Variants in KLF13 observed in about 807,000 individuals in gnomAD.
KLF13 encodes the protein Krueppel-like factor 13.
A neutral mutation model predicts 16.7 loss-of-function variants in KLF13; 8 were observed. The ratio of observed to expected loss-of-function variants is 0.48; its 90% CI spans 0.28 to 0.87. KLF13 has a LOEUF of 0.87. Among genes scored for constraint, KLF13 ranks in the 40% least tolerant of loss-of-function variants. The pLI is 0.10. For missense variants in KLF13, 447 were observed against 452.2 expected, an observed-to-expected ratio of 0.99 and a Z score of 0.10; for synonymous variants, 245 against 208.4, an observed-to-expected ratio of 1.18 and a Z score of -1.51.
intron 1 of KLF13, among the ~76,000 whole-genome samples, chr15:31,328,093 C>A (rs1471214838): frequency 7.2e-6 from 1 of 139,112 alleles, no homozygotes; most frequent in Non-Finnish European, 1.6e-5. Context: ...GGGGCGGGGA[C>A]CCCTCCCGGC....
At chr15:31,405,200 G>C (rs1174510668), downstream of KLF13, among the ~76,000 whole-genome samples, 1 of 152,190 alleles carries the variant, frequency 6.6e-6, no homozygotes, top group African/African-American at 2.4e-5. Context: ...TGTAATTCCA[G>C]CTACTCTGGA....
intron 1 of KLF13, among the ~76,000 whole-genome samples, chr15:31,414,824 A>G (rs1413270982): frequency 1.3e-5 from 2 of 152,214 alleles, no homozygotes; most frequent in Admixed American, 6.5e-5. Context: ...GAAGACTTGA[A>G]TGACACTATA....
Position 31,332,703 on chromosome 15 carries a change from T to C in KLF13, c.577+4914T>C, listed in dbSNP as rs1335279418. Among the ~76,000 whole-genome samples the C allele has an allele frequency of 2.0e-5, 3 of 152,254 alleles. No homozygotes were observed. The East Asian group carries it at 5.8e-4, about 29-fold the overall frequency. Reference sequence around the variant, plus strand: ...CTGACAGCCTCCTGCCCTTAGATCCTGTGTGCTCCCACTTTACACATAGCT... The same window carrying C: ...CTGACAGCCTCCTGCCCTTAGATCCCGTGTGCTCCCACTTTACACATAGCT... On this transcript the variant is annotated intron_variant, in intron 1 of 1. Transcript: ENST00000307145.
intron 1 of KLF13, among the ~76,000 whole-genome samples, chr15:31,411,630 G>C (rs1425505708): frequency 6.7e-6 from 1 of 148,442 alleles, no homozygotes; most frequent in African/African-American, 2.5e-5. Flanking sequence ...TGGTCTCCAT[G>C]TCCTGATCTT....
Position 31,327,592 on chromosome 15 carries a change from C to T in KLF13, c.380C>T (p.Pro127Leu). Reference sequence around the variant, plus strand: ...AGCCCGGCGTGGAGCGAGCCGGAGCCCGAGGCGGGGCTGGAGCCCGAGCGG... The same window carrying T: ...AGCCCGGCGTGGAGCGAGCCGGAGCTCGAGGCGGGGCTGGAGCCCGAGCGG... ...PPSPAWSEPE[P>L]EAGLEPEREP... Residue 127 changes from proline (P) to leucine (L), a missense_variant, in exon 1 of 2, where the codon CCC becomes CTC. By Grantham distance (98) the Pro-to-Leu change is moderately conservative. Around this residue, in one of 2 missense-constraint regions of KLF13, gnomAD observed 359 missense variants for 282.8 expected, o/e 1.27. Transcript: ENST00000307145. 1.8e-5 allele frequency: 22 copies of T among 1,236,390 alleles called. No homozygotes were observed. Among genetic ancestry groups the T allele is most frequent in the South Asian group, 5.0e-5 (2 of 39,680 alleles). The allele number at this position is 1,236,390 out of a possible 1,614,324, so 76.6% of individuals were successfully genotyped here.
chr15:31,413,185 G>GAAAAAAAA (rs1243053850), intron 1 of KLF13, among the ~76,000 whole-genome samples: 2 of 32,952 alleles, frequency 6.1e-5, no homozygotes, highest in Non-Finnish European at 1.3e-4. Flanking sequence ...AAAATGAATA[G>GAAAAAAAA]ACAAAAAAAA....
chr15:31,395,327 A>G (rs1280353754), intron 2 of KLF13, among the ~76,000 whole-genome samples: 2 of 152,056 alleles, frequency 1.3e-5, no homozygotes. Context: ...TGGATATACT[A>G]TTTTTTTAAA....
upstream of KLF13, among the ~76,000 whole-genome samples, chr15:31,388,029 A>G (rs1306481689): frequency 6.6e-6 from 1 of 152,156 alleles, no homozygotes; most frequent in Non-Finnish European, 1.5e-5. Flanking sequence ...GGCCTTTAAA[A>G]CAAGAACAGG....
intron 1 of KLF13, among the ~76,000 whole-genome samples, chr15:31,410,403 T>C (rs2040177919): frequency 6.6e-6 from 1 of 151,826 alleles, no homozygotes; most frequent in African/African-American, 2.4e-5. Flanking sequence ...CTATCAATAA[T>C]CAATTTAAAT....
chr15:31,347,434 G>T (rs759952054), intron 1 of KLF13, among the ~76,000 whole-genome samples: 9 of 152,184 alleles, frequency 5.9e-5, no homozygotes, highest in Non-Finnish European at 1.3e-4. Flanking sequence ...TGGCAAGCCC[G>T]CTAGAACCTG....
intron 1 of KLF13, among the ~76,000 whole-genome samples, chr15:31,383,826 T>C (rs1037527696): frequency 2.0e-4 from 31 of 151,824 alleles, no homozygotes; most frequent in Non-Finnish European, 2.7e-4. Context: ...GGTGTGAACC[T>C]GGGAGGCAGA....
chr15:31,367,211 C>T (rs1339870550), intron 1 of KLF13, among the ~76,000 whole-genome samples: 1 of 152,174 alleles, frequency 6.6e-6, no homozygotes, highest in Admixed American at 6.5e-5. Context: ...GGGGACCCAG[C>T]CAGACCCAGT....
chr15:31,379,520 G>T (rs1286402837), downstream of KLF13, among the ~76,000 whole-genome samples: 1 of 152,126 alleles, frequency 6.6e-6, no homozygotes, highest in Non-Finnish European at 1.5e-5. Flanking sequence ...CAGAAGACTG[G>T]GGGACCCACC....
intron 1 of KLF13, among the ~76,000 whole-genome samples, chr15:31,387,615 C>T (rs944789994): frequency 2.6e-5 from 4 of 152,160 alleles, no homozygotes; most frequent in African/African-American, 4.8e-5. Context: ...TCTGCCTGTA[C>T]GAGAACTGGG....
chr15:31,382,135 A>G (rs2039734832), downstream of KLF13, among the ~76,000 whole-genome samples: 1 of 152,114 alleles, frequency 6.6e-6, no homozygotes, highest in Non-Finnish European at 1.5e-5. Context: ...CTCCACTCTC[A>G]CATGCCACTG....
rs1236893061 is a variant in KLF13, at chr15:31,428,737, G to A, written n.118-6633G>A. 2.1e-5 allele frequency among the ~76,000 whole-genome samples: 3 copies of A among 143,992 alleles called. No individual in the cohort carries two copies. The Admixed American group carries it at 2.2e-4, about 10-fold the overall frequency. The allele number at this position is 143,992 out of a possible 152,430, so 94.5% of individuals were successfully genotyped here. A position where few individuals can be genotyped will look rare whatever the true frequency, so the allele number is the denominator to read the frequency against. On this transcript the variant is annotated intron_variant and non_coding_transcript_variant, in intron 1 of 1. Transcript: ENST00000558225. ...GCAGGAGAATGGCATGAACCCAGGAGGCTTGCAGTGAGCCGAGATCGCGCC... is the reference window on the plus strand; with the variant it reads ...GCAGGAGAATGGCATGAACCCAGGAAGCTTGCAGTGAGCCGAGATCGCGCC...
In KLF13 at chr15:31,422,157, A is replaced by G. The variant is rs559875316; in HGVS notation, n.118-13213A>G. Among the ~76,000 whole-genome samples, 6 of 152,098 alleles carry G rather than the reference A, an allele frequency of 3.9e-5. No individual in the cohort carries two copies. The East Asian group carries it at 1.2e-3, about 29-fold the overall frequency. On this transcript the variant is annotated intron_variant and non_coding_transcript_variant, in intron 1 of 1. Transcript: ENST00000558225. The stretch of plus-strand genomic sequence containing the variant: ...CAAAAAAAAAAAAAAAAGAAAAAAG[A>G]AATAGAGTGGTTCAATAGATTTTTC...
intron 1 of KLF13, among the ~76,000 whole-genome samples, chr15:31,432,416 C>T (rs1236815483): frequency 2.7e-5 from 4 of 150,382 alleles, no homozygotes; most frequent in African/African-American, 7.4e-5. Flanking sequence ...TGATTCCTCC[C>T]TTTTCTTGCT....
At chr15:31,349,673 C>T (rs1334135766) in intron 1 of KLF13, among the ~76,000 whole-genome samples, 1 of 152,184 alleles carries the variant, frequency 6.6e-6, no homozygotes, top group Non-Finnish European at 1.5e-5. Flanking sequence ...AGGAGAAGTC[C>T]TCCGGGCCCA....
Sources: allele counts gnomAD v4.1 joint callset (sites outside exome capture counted in the v4.1 genomes callset), GRCh38; gene constraint gnomAD v4.1.1; regional missense constraint gnomAD v4.1.1; transcripts MANE v1.5; gene names NCBI Gene and HGNC (gene_info 2026-07-23, HGNC 2026-07-21).